KCNC3: variants seen among roughly 807,000 people sequenced by gnomAD.
KCNC3 encodes the protein potassium voltage-gated channel subfamily C member 3.
A neutral mutation model predicts 43.9 loss-of-function variants in KCNC3; 22 were observed. That is an observed-to-expected ratio of 0.50 (90% CI 0.36 to 0.72). The LOEUF is 0.72. KCNC3 is among the 30% of genes least tolerant of loss of function. KCNC3 has a pLI of 0.00. For missense variants in KCNC3, 829 were observed against 1,073.8 expected, an observed-to-expected ratio of 0.77 and a Z score of 3.19; for synonymous variants, 492 against 488.0, an observed-to-expected ratio of 1.01 and a Z score of -0.11.
At chr19:50,321,644 C>T (rs1197648544) in intron 2 of KCNC3, among the ~76,000 whole-genome samples, 1 of 152,014 alleles carries the variant, frequency 6.6e-6, no homozygotes, top group African/African-American at 2.4e-5. Context: ...GTGGCGGGCG[C>T]CTGTAATCCC....
chr19:50,314,894 G>C lies in KCNC3; in HGVS notation c.*1221C>G. The stretch of plus-strand genomic sequence containing the variant: ...CAGGGTCGGGGGAGCGCGGCGGGCG[G>C]CCCGGGGAGAGCCAGGGGGGGTGGC... On this transcript the variant is annotated 3_prime_UTR_variant, in exon 5 of 5. Coordinates refer to ENST00000477616, the MANE Select transcript of KCNC3 (RefSeq NM_004977.3). 3.4e-6 allele frequency: 1 copy of C among 296,170 alleles called. No homozygotes were observed. 18.3% of individuals were successfully genotyped at this position (296,170 alleles called of 1,614,324 possible).
chr19:50,314,529 T>G lies in KCNC3; in HGVS notation c.*1586A>C. ...AAGGCATGCAGTGTGTGGGGGGAGG[T>G]GCCCCAAGATGTAACTGGCATAATT... On this transcript the variant is annotated 3_prime_UTR_variant, in exon 5 of 5. Transcript: ENST00000477616. 2 of 235,136 alleles carry G rather than the reference T, an allele frequency of 8.5e-6. No homozygotes were observed. 14.6% of individuals were successfully genotyped at this position (235,136 alleles called of 1,614,324 possible). A position where few individuals can be genotyped will look rare whatever the true frequency, so the allele number is the denominator to read the frequency against.
rs1374748662 is a variant in KCNC3, at chr19:50,313,684, G to A, written c.*2431C>T. ...AACCTGGGCTGGACAAGTCTGTTAG[G>A]GCTTTGGGGATATGGGTGCGGAACA... On this transcript the variant is annotated 3_prime_UTR_variant, in exon 5 of 5. Transcript: ENST00000477616. The A allele has an allele frequency of 6.6e-6, 1 of 152,210 alleles. No individual in the cohort carries two copies. The highest frequency in any genetic ancestry group is 1.5e-5 in the Non-Finnish European group (1 of 68,050). 9.4% of individuals were successfully genotyped at this position (152,210 alleles called of 1,614,324 possible). A position where few individuals can be genotyped will look rare whatever the true frequency, so the allele number is the denominator to read the frequency against.
chr19:50,322,980 C>G lies in KCNC3; in HGVS notation c.1973G>C (p.Arg658Pro). The change falls in exon 2 of 5, where the codon CGG becomes CCG. Residue 658 changes from arginine (R) to proline (P), a missense_variant. Around this residue, in one of 7 missense-constraint regions of KCNC3, gnomAD observed 308 missense variants for 276.2 expected, o/e 1.11. Coordinates refer to ENST00000477616, the MANE Select transcript of KCNC3 (RefSeq NM_004977.3). ...LAQEEVIEIN[R>P]ADPRPNGDPA... ...TCCCTGACGCCCAGGCTCACCTGCC[C>G]GGTTGATCTCAATCACCTCCTCCTG... 1 of 1,550,478 alleles carries G rather than the reference C, an allele frequency of 6.4e-7. No individual in the cohort carries two copies. Among genetic ancestry groups the G allele is most frequent in the East Asian group, 2.4e-5 (1 of 40,990 alleles).
At position 50,314,703 on chromosome 19, in the gene KCNC3, G is replaced by A. The variant is rs546808542; in HGVS notation, c.*1412C>T. 117 of 436,894 alleles carry A rather than the reference G, an allele frequency of 2.7e-4. 2 individuals carry two copies. The highest frequency in any genetic ancestry group is 2.1e-3 in the African/African-American group (102 of 48,170). 27.1% of individuals were successfully genotyped at this position (436,894 alleles called of 1,614,324 possible). A position where few individuals can be genotyped will look rare whatever the true frequency, so the allele number is the denominator to read the frequency against. On this transcript the variant is annotated 3_prime_UTR_variant, in exon 5 of 5. Coordinates refer to ENST00000477616, the MANE Select transcript of KCNC3 (RefSeq NM_004977.3). Reference sequence around the variant, plus strand: ...GCCCAGGTTGGGGGTGAGGGGCCCGGGGGTGTCTGCTGGCATCGTCATCTC... The same window carrying A: ...GCCCAGGTTGGGGGTGAGGGGCCCGAGGGTGTCTGCTGGCATCGTCATCTC...
chr19:50,333,084 T>C (rs1324910505), upstream of KCNC3, among the ~76,000 whole-genome samples: 1 of 152,200 alleles, frequency 6.6e-6, no homozygotes, highest in Admixed American at 6.5e-5. Flanking sequence ...CTCCCCGCTA[T>C]AATCTTTGGG....
At position 50,323,614 on chromosome 19, in the gene KCNC3, C is replaced by T; in HGVS notation, c.1339G>A (p.Glu447Lys). 6.2e-7 allele frequency: 1 copy of T among 1,614,224 alleles called. No individual in the cohort carries two copies. Among genetic ancestry groups the T allele is most frequent in the Non-Finnish European group, 8.5e-7 (1 of 1,180,056 alleles). ...LGHTLRASTN[E>K]FLLLIIFLAL... ...AGGAAGATGATGAGCAGCAGGAACT[C>T]GTTGGTGCTGGCGCGGAGCGTGTGT... Residue 447 changes from glutamate (E) to lysine (K), a missense_variant, in exon 2 of 5, where the codon GAG becomes AAG. Glu to Lys is a moderately conservative substitution (Grantham distance 56). Coordinates refer to ENST00000477616, the MANE Select transcript of KCNC3 (RefSeq NM_004977.3).
chr19:50,318,991 CAAAAAAAAAAAAAA>C (rs11326559), intron 4 of KCNC3, among the ~76,000 whole-genome samples: 1 of 71,458 alleles, frequency 1.4e-5, no homozygotes, highest in Non-Finnish European at 2.4e-5. Flanking sequence ...AAGACAGTCT[CAAAAAAAAAAAAAA>C]AAAAAAAAAG....
At chr19:50,318,852 G>A (rs2123522523) in intron 4 of KCNC3, among the ~76,000 whole-genome samples, 1 of 152,172 alleles carries the variant, frequency 6.6e-6, no homozygotes, top group Middle Eastern at 3.4e-3. Context: ...CAAGGCAGGA[G>A]GACTGCTTGA....
upstream of KCNC3, among the ~76,000 whole-genome samples, chr19:50,330,142 C>T (rs1431784958): frequency 1.3e-5 from 2 of 152,136 alleles, no homozygotes; most frequent in Non-Finnish European, 2.9e-5. Flanking sequence ...TTGTGGGTGC[C>T]TGTAGTCCCA....
rs758105401 is a variant in KCNC3, at chr19:50,328,624, G to A, written c.459C>T (p.Thr153=). 2.5e-6 allele frequency: 4 copies of A among 1,611,388 alleles called. No homozygotes were observed. The highest frequency in any genetic ancestry group is 1.3e-5 in the African/African-American group (1 of 74,798). Residue 153 remains threonine (T), a synonymous_variant, in exon 1 of 5, where the codon ACC becomes ACT. Coordinates refer to ENST00000477616, the MANE Select transcript of KCNC3 (RefSeq NM_004977.3). ...CGTCGGCTGGGCAGTGCAGCTTGCC[G>A]GTGCGGTAGTAGTTGAGCACGTACG... ...VFAYVLNYYR[T]GKLHCPADVC...
chr19:50,312,176 G>C lies in KCNC3; in HGVS notation c.*3939C>G, dbSNP rs531450071. 6.6e-6 allele frequency: 1 copy of C among 152,238 alleles called. No individual in the cohort carries two copies. The highest frequency in any genetic ancestry group is 2.1e-4 in the South Asian group (1 of 4,834). The allele number at this position is 152,238 out of a possible 1,614,324, so 9.4% of individuals were successfully genotyped here. A position where few individuals can be genotyped will look rare whatever the true frequency, so the allele number is the denominator to read the frequency against. ...TAGCACCAGAGTTGGACGATTTGCA[G>C]ACCTCCCCTCCCCACACTGTCTCCG... On this transcript the variant is annotated 3_prime_UTR_variant, in exon 5 of 5. Coordinates refer to ENST00000477616, the MANE Select transcript of KCNC3 (RefSeq NM_004977.3).
chr19:50,328,709 C>T lies in KCNC3; in HGVS notation c.374G>A (p.Arg125His). 6.3e-7 allele frequency: 1 copy of T among 1,599,632 alleles called. No individual in the cohort carries two copies. Among genetic ancestry groups the T allele is most frequent in the Non-Finnish European group, 8.5e-7 (1 of 1,174,088 alleles). ...AGLTEPEAAA[R>H]FDYDPGADEF... ...GTCGGCGCCCGGGTCGTAGTCGAAGCGTGCCGCCGCCTCGGGCTCCGTCAG... is the reference window on the plus strand; with the variant it reads ...GTCGGCGCCCGGGTCGTAGTCGAAGTGTGCCGCCGCCTCGGGCTCCGTCAG... Residue 125 changes from arginine (R) to histidine (H), a missense_variant, in exon 1 of 5, where the codon CGC becomes CAC. This residue lies in a region of KCNC3 where 121 missense variants were observed against 247.4 expected (regional missense o/e 0.49). Transcript: ENST00000477616.
chr19:50,325,710 G>A (rs929243842), intron 1 of KCNC3, among the ~76,000 whole-genome samples: 1 of 152,000 alleles, frequency 6.6e-6, no homozygotes, highest in African/African-American at 2.4e-5. Context: ...GCACCGCAGT[G>A]GGGGCGGGCC....
Position 50,324,036 on chromosome 19 carries a change from G to A in KCNC3, c.917C>T (p.Thr306Ile). Residue 306 changes from threonine (T) to isoleucine (I), a missense_variant, in exon 2 of 5, where the codon ACC becomes ATC. By Grantham distance (89) the Thr-to-Ile change is moderately conservative (BLOSUM62 -1). Coordinates refer to ENST00000477616, the MANE Select transcript of KCNC3 (RefSeq NM_004977.3). This position sits in a 1 kb window ranked among gnomAD's most constrained non-coding sequence, Gnocchi z 4.1. ...GCCCTCATGGGTTTCCAGGCAGAAG[G>A]TGGTGATGGAGATGAGGATGAAGAA... ...SLFFILISIT[T>I]FCLETHEGFI... 1 of 1,606,970 alleles carries A rather than the reference G, an allele frequency of 6.2e-7. No homozygotes were observed. The highest frequency in any genetic ancestry group is 8.5e-7 in the Non-Finnish European group (1 of 1,175,066).
At position 50,323,883 on chromosome 19, in the gene KCNC3, A is replaced by G; in HGVS notation, c.1070T>C (p.Val357Ala). Residue 357 changes from valine (V) to alanine (A), a missense_variant, in exon 2 of 5, where the codon GTC (valine) becomes GCC (alanine). Physicochemically the swap from Val to Ala is moderately conservative, Grantham distance 64. Transcript: ENST00000477616. ...FLTYVEGVCV[V>A]WFTFEFLMRI... is the part of the protein sequence containing the mutation. ...CATGAGGAACTCGAAGGTGAACCAG[A>G]CCACGCACACCCCCTCCACGTAGGT... The G allele has an allele frequency of 6.2e-7, 1 of 1,614,132 alleles. No homozygotes were observed. Among genetic ancestry groups the G allele is most frequent in the Non-Finnish European group, 8.5e-7 (1 of 1,180,024 alleles).
intron 2 of KCNC3, among the ~76,000 whole-genome samples, chr19:50,322,347 C>T (rs929568736): frequency 1.3e-5 from 2 of 152,196 alleles, no homozygotes; most frequent in African/African-American, 2.4e-5. Flanking sequence ...CACAGCAAAG[C>T]CGACTGACCA....
intron 1 of KCNC3, among the ~76,000 whole-genome samples, chr19:50,326,922 CG>C (rs147893901): frequency 0.021 from 1,971 of 95,722 alleles, 55 homozygotes; most frequent in African/African-American, 0.1. Context: ...TTTTGCACGG[CG>C]GGGGGGGAGG....
At chr19:50,321,008 A>C (rs2037027179) in intron 2 of KCNC3, among the ~76,000 whole-genome samples, 1 of 72,552 alleles carries the variant, frequency 1.4e-5, no homozygotes, top group African/African-American at 6.0e-5. Context: ...GGGGGTGATC[A>C]TGGGGGTTGA....
Sources: allele counts gnomAD v4.1 joint callset (sites outside exome capture counted in the v4.1 genomes callset), GRCh38; gene constraint gnomAD v4.1.1; regional missense constraint gnomAD v4.1.1; non-coding constraint Gnocchi (gnomAD v3.1); transcripts MANE v1.5; gene names NCBI Gene and HGNC (gene_info 2026-07-23, HGNC 2026-07-21).